SLC9A9: variants seen among roughly 807,000 people sequenced by gnomAD.
SLC9A9 encodes solute carrier family 9 member A9.
Under a neutral mutation model 77.8 loss-of-function variants are expected in SLC9A9, and 62 were observed. The ratio of observed to expected loss-of-function variants is 0.80; its 90% CI spans 0.65 to 0.98. SLC9A9 has a LOEUF of 0.98. SLC9A9 is among the 50% of genes least tolerant of loss of function. The pLI, the probability that SLC9A9 is intolerant of heterozygous loss-of-function variation, is 0.00. For missense variants in SLC9A9, 775 were observed against 774.9 expected (o/e 1.00, Z 0.00); for synonymous variants, 320 against 283.5 (o/e 1.13, Z -1.29).
At chr3:143,721,172 C>A (rs187717931) in intron 4 of SLC9A9, among the ~76,000 whole-genome samples, 2 of 152,208 alleles carry the variant, frequency 1.3e-5, no homozygotes, top group African/African-American at 4.8e-5. Context: ...GAGGCGTGGG[C>A]AACAGTGAGC....
chr3:143,673,624 ATTG>A (rs2108767175), intron 5 of SLC9A9, among the ~76,000 whole-genome samples: 1 of 151,948 alleles, frequency 6.6e-6, no homozygotes, highest in East Asian at 1.9e-4. Flanking sequence ...TATTAATTAT[ATTG>A]TTAATTAATA....
At chr3:143,560,621 T>A (rs1235019206) in intron 8 of SLC9A9, among the ~76,000 whole-genome samples, 1 of 152,026 alleles carries the variant, frequency 6.6e-6, no homozygotes. Flanking sequence ...TACTTTACTT[T>A]AAAATTATTT....
chr3:143,697,299 T>G (rs6776495), intron 4 of SLC9A9, among the ~76,000 whole-genome samples: 2 of 151,796 alleles, frequency 1.3e-5, no homozygotes, highest in Non-Finnish European at 2.9e-5. Flanking sequence ...AAAAGTTAGA[T>G]GCATACAGCC....
rs77528627 is a variant in SLC9A9, at chr3:143,416,855, G to T, written c.1470-34741C>A. Among the ~76,000 whole-genome samples the T allele has an allele frequency of 4.6e-3, 706 of 152,094 alleles. 2 individuals carry two copies. Among genetic ancestry groups the T allele is most frequent in the Admixed American group, 7.4e-3 (113 of 15,294 alleles). On this transcript the variant is annotated intron_variant, in intron 12 of 15. Transcript: ENST00000316549. ...TGTGTGTATATGTCTACATGCATTC[G>T]CACGTATATACATATCAGATATCCA...
intron 4 of SLC9A9, among the ~76,000 whole-genome samples, chr3:143,753,756 C>G (rs569300972): frequency 4.6e-5 from 7 of 152,118 alleles, no homozygotes; most frequent in Non-Finnish European, 8.8e-5. Flanking sequence ...TTTCTGGGAT[C>G]ACATGCATTA....
chr3:143,699,545 T>C (rs1289440348), intron 4 of SLC9A9, among the ~76,000 whole-genome samples: 1 of 152,152 alleles, frequency 6.6e-6, no homozygotes, highest in Non-Finnish European at 1.5e-5. Flanking sequence ...TTGTAAAACA[T>C]TGTACTGAAC....
chr3:143,489,815 C>T (rs74282986), intron 11 of SLC9A9, among the ~76,000 whole-genome samples: 2,411 of 152,020 alleles, frequency 0.016, 96 homozygotes, highest in East Asian at 0.15. Flanking sequence ...TAGAAAACTC[C>T]TATAACTCTA....
intron 12 of SLC9A9, among the ~76,000 whole-genome samples, chr3:143,445,733 A>G (rs1311931151): frequency 6.6e-6 from 1 of 152,260 alleles, no homozygotes; most frequent in African/African-American, 2.4e-5. Context: ...AAAAACTGGC[A>G]TATACACTAG....
chr3:143,415,421 G>A (rs2034174354), intron 12 of SLC9A9, among the ~76,000 whole-genome samples: 1 of 152,220 alleles, frequency 6.6e-6, no homozygotes, highest in Admixed American at 6.5e-5. Flanking sequence ...AATGCAGCCA[G>A]TGTCTTTAAG....
chr3:143,356,337 G>A (rs77815969), intron 14 of SLC9A9, among the ~76,000 whole-genome samples: 1 of 152,292 alleles, frequency 6.6e-6, no homozygotes, highest in Non-Finnish European at 1.5e-5. Context: ...TTTACTGATG[G>A]ATTCAGCCAA....
At chr3:143,562,980 C>A (rs1266842765) in intron 8 of SLC9A9, among the ~76,000 whole-genome samples, 2 of 152,084 alleles carry the variant, frequency 1.3e-5, no homozygotes, top group Non-Finnish European at 2.9e-5. Context: ...TTGTGCACAA[C>A]ACTGCCTTTC....
chr3:143,388,699 G>A (rs763325828), intron 12 of SLC9A9, among the ~76,000 whole-genome samples: 10 of 152,224 alleles, frequency 6.6e-5, no homozygotes, highest in Non-Finnish European at 8.8e-5. Context: ...AGACAAGAGC[G>A]GCTTTTCCAT....
chr3:143,489,806 A>G (rs2035709820), intron 11 of SLC9A9, among the ~76,000 whole-genome samples: 1 of 152,120 alleles, frequency 6.6e-6, no homozygotes, highest in Non-Finnish European at 1.5e-5. Context: ...TTCAGGAAAT[A>G]GAAAACTCCT....
intron 12 of SLC9A9, among the ~76,000 whole-genome samples, chr3:143,424,590 C>A (rs1193373329): frequency 6.6e-6 from 1 of 152,146 alleles, no homozygotes; most frequent in Non-Finnish European, 1.5e-5. Flanking sequence ...TCTGCCTCCC[C>A]AAGTGCTGGG....
intron 4 of SLC9A9, among the ~76,000 whole-genome samples, chr3:143,755,762 T>C (rs2006902763): frequency 6.6e-6 from 1 of 152,196 alleles, no homozygotes; most frequent in Non-Finnish European, 1.5e-5. Flanking sequence ...AATGCCATGA[T>C]ATATATAAAT....
At chr3:143,512,800 G>T (rs1393345273) in intron 9 of SLC9A9, among the ~76,000 whole-genome samples, 1 of 152,158 alleles carries the variant, frequency 6.6e-6, no homozygotes, top group African/African-American at 2.4e-5. Flanking sequence ...GCTTGAACCC[G>T]GGAGGCAGAG....
At chr3:143,281,959 C>T (rs1305363783) in intron 14 of SLC9A9, among the ~76,000 whole-genome samples, 1 of 152,166 alleles carries the variant, frequency 6.6e-6, no homozygotes, top group Non-Finnish European at 1.5e-5. Context: ...GAATCAGGCT[C>T]AATGTCACTT....
chr3:143,321,854 AC>A (rs1446168987), intron 14 of SLC9A9, among the ~76,000 whole-genome samples: 1 of 152,110 alleles, frequency 6.6e-6, no homozygotes, highest in Non-Finnish European at 1.5e-5. Context: ...TAGGCTATAG[AC>A]CCTTTGGGAG....
chr3:143,583,849 C>G (rs766317954), intron 6 of SLC9A9, among the ~76,000 whole-genome samples: 7 of 152,166 alleles, frequency 4.6e-5, no homozygotes, highest in Non-Finnish European at 8.8e-5. Context: ...GATTTTACCA[C>G]CTGTCTCTCC....
Sources: allele counts gnomAD v4.1 joint callset (sites outside exome capture counted in the v4.1 genomes callset), GRCh38; gene constraint gnomAD v4.1.1; transcripts MANE v1.5; gene names NCBI Gene and HGNC (gene_info 2026-07-23, HGNC 2026-07-21).